The following UNC13C variants were observed in gnomAD, a reference collection of about 807,000 sequenced individuals.
UNC13C encodes the protein unc-13 homolog C.
A neutral mutation model predicts 245.4 loss-of-function variants in UNC13C; 174 were observed. The ratio of observed to expected loss-of-function variants is 0.71; its 90% confidence interval spans 0.63 to 0.80. The LOEUF (loss-of-function observed/expected upper bound fraction) is 0.80, where lower values mean the gene tolerates loss of function less well. Among genes scored for constraint, UNC13C ranks in the 30% least tolerant of loss-of-function variants. The probability of loss-of-function intolerance (pLI) is 0.00; values close to 1 mark genes in which losing one functional copy is unlikely to be tolerated. For missense variants in UNC13C, 2,829 were observed against 2,602.9 expected (o/e 1.09, Z -1.89); for synonymous variants, 992 against 895.1 (o/e 1.11, Z -1.93).
At chr15:54,322,170 G>A (rs2038180335) in intron 14 of UNC13C, 75 bp downstream of exon 14, 1 of 1,362,212 alleles carries the variant, frequency 7.3e-7, no homozygotes, top group Admixed American at 3.2e-5. Context: ...TTGAACTTAA[G>A]ATATTCCTGG....
chr15:54,504,482 T>C (rs576833475), intron 22 of UNC13C, among the ~76,000 whole-genome samples: 47 of 152,318 alleles, frequency 3.1e-4, no homozygotes, highest in African/African-American at 1.1e-3. Flanking sequence ...ATGATATAGA[T>C]AGAATCAACC....
chr15:54,142,696 T>C (rs928832918), intron 2 of UNC13C, among the ~76,000 whole-genome samples: 4 of 152,190 alleles, frequency 2.6e-5, no homozygotes, highest in Non-Finnish European at 4.4e-5. Flanking sequence ...GCTTATCCAA[T>C]GTGTCTAGTA....
chr15:54,083,880 C>A (rs567577901), intron 2 of UNC13C, among the ~76,000 whole-genome samples: 30 of 152,326 alleles, frequency 2.0e-4, no homozygotes, highest in African/African-American at 7.2e-4. Flanking sequence ...AGGTACATAA[C>A]CAGTATGGTA....
intron 25 of UNC13C, among the ~76,000 whole-genome samples, chr15:54,531,094 C>T (rs1343796652): frequency 1.3e-5 from 2 of 152,094 alleles, no homozygotes; most frequent in African/African-American, 4.8e-5. Context: ...GGATACATTT[C>T]GCTGACAGGT....
At chr15:54,047,871 T>C (rs1398889370) in intron 2 of UNC13C, among the ~76,000 whole-genome samples, 2 of 152,138 alleles carry the variant, frequency 1.3e-5, no homozygotes, top group Admixed American at 1.3e-4. Flanking sequence ...GCATTCATAT[T>C]TTTTCAGGCT....
intron 1 of UNC13C, among the ~76,000 whole-genome samples, chr15:53,985,666 T>A (rs900198599): frequency 3.3e-5 from 5 of 151,950 alleles, no homozygotes; most frequent in Non-Finnish European, 5.9e-5. Flanking sequence ...AGAAGATGTA[T>A]AGCTATGAGA....
At chr15:53,915,456 T>C in the UNC13C span, among the ~76,000 whole-genome samples, 1 of 152,352 alleles carries the variant, frequency 6.6e-6, no homozygotes, top group Middle Eastern at 3.4e-3. Flanking sequence ...ATTATGAACC[T>C]TACCTCAAAT....
chr15:54,622,474 C>G, intron 31 of UNC13C, 55 bp downstream of exon 31: 1 of 1,255,894 alleles, frequency 8.0e-7, no homozygotes. Context: ...TGCAGCAGTA[C>G]TGATATCAGC....
intron 19 of UNC13C, among the ~76,000 whole-genome samples, chr15:54,470,615 TATTTG>T (rs57447426): frequency 0.41 from 61,746 of 150,624 alleles, 12,863 homozygotes; most frequent in East Asian, 0.62. Context: ...TGATTTTATT[TATTTG>T]AGCCTTCTCT....
chr15:54,343,721 G>A (rs1362467117), intron 17 of UNC13C, among the ~76,000 whole-genome samples: 1 of 152,110 alleles, frequency 6.6e-6, no homozygotes, highest in East Asian at 1.9e-4. Context: ...TATTCAAAGA[G>A]TACTATTACA....
chr15:53,920,917 A>G, the UNC13C span, among the ~76,000 whole-genome samples: 1 of 151,648 alleles, frequency 6.6e-6, no homozygotes, highest in African/African-American at 2.4e-5. Context: ...ATTAATAGCC[A>G]CAACAATAAG....
chr15:54,300,301 A>G lies in UNC13C; in HGVS notation c.4196A>G (p.Asp1399Gly), dbSNP rs776465926. Reference sequence around the variant, plus strand: ...GATGAAGCCTGGAAGGTTTTCTTTGATGATGCTTCCCAAGAAATAGTTGAT... The same window carrying G: ...GATGAAGCCTGGAAGGTTTTCTTTGGTGATGCTTCCCAAGAAATAGTTGAT... ...KGDEAWKVFFDDASQEIVDEF... is the reference protein window; with the variant it reads ...KGDEAWKVFFGDASQEIVDEF... The change falls in exon 13 of 33, where the codon GAT becomes GGT. Residue 1399 changes from aspartate to glycine, a missense_variant. Coordinates refer to ENST00000260323, the MANE Select transcript of UNC13C (RefSeq NM_001080534.3). 7 of 1,590,124 alleles carry G rather than the reference A, an allele frequency of 4.4e-6. No homozygotes were observed. In the African/African-American group the frequency reaches 5.4e-5, roughly 12 times the overall value.
At chr15:54,020,102 A>G (rs1895827517) in intron 2 of UNC13C, among the ~76,000 whole-genome samples, 1 of 152,174 alleles carries the variant, frequency 6.6e-6, no homozygotes, top group Admixed American at 6.5e-5. Context: ...CTGGCTATTC[A>G]GATGCTCCCT....
chr15:54,454,459 T>A (rs1168760149), intron 19 of UNC13C, among the ~76,000 whole-genome samples: 1 of 151,416 alleles, frequency 6.6e-6, no homozygotes, highest in Non-Finnish European at 1.5e-5. Context: ...GCACCTGTAA[T>A]CCCAAGGTCT....
chr15:54,058,769 A>G (rs1265839644), intron 2 of UNC13C, among the ~76,000 whole-genome samples: 1 of 152,176 alleles, frequency 6.6e-6, no homozygotes, highest in Non-Finnish European at 1.5e-5. Flanking sequence ...CACCATGATC[A>G]TGTGGGCTTC....
intron 2 of UNC13C, among the ~76,000 whole-genome samples, chr15:54,040,315 G>A (rs1190555517): frequency 6.6e-6 from 1 of 152,166 alleles, no homozygotes; most frequent in Non-Finnish European, 1.5e-5. Context: ...TTAGGCTGTA[G>A]GCAGGTGGGT....
intron 4 of UNC13C, among the ~76,000 whole-genome samples, chr15:54,192,525 T>G (rs934094555): frequency 6.6e-6 from 1 of 152,148 alleles, no homozygotes; most frequent in African/African-American, 2.4e-5. Context: ...ACAGCCCCTT[T>G]CCTCCACCCT....
At chr15:54,459,005 T>C (rs1045450028) in intron 19 of UNC13C, among the ~76,000 whole-genome samples, 3 of 152,180 alleles carry the variant, frequency 2.0e-5, no homozygotes, top group African/African-American at 7.2e-5. Context: ...TGATTTATGC[T>C]TTAAAGAGAT....
At chr15:54,448,388 A>G (rs915184875) in intron 19 of UNC13C, among the ~76,000 whole-genome samples, 3 of 152,078 alleles carry the variant, frequency 2.0e-5, no homozygotes, top group Non-Finnish European at 4.4e-5. Flanking sequence ...AAAGTTTCCC[A>G]TTATTATTGT....
Sources: allele counts gnomAD v4.1 joint callset (sites outside exome capture counted in the v4.1 genomes callset), GRCh38; gene constraint gnomAD v4.1.1; transcripts MANE v1.5; gene names NCBI Gene and HGNC (gene_info 2026-07-23, HGNC 2026-07-21).